SPTLC2: variants seen among roughly 807,000 people sequenced by gnomAD.
SPTLC2 encodes the protein serine palmitoyltransferase 2.
SPTLC2 carries 21 observed loss-of-function variants against 62.0 expected under a neutral mutation model. The ratio of observed to expected loss-of-function variants is 0.34; its 90% CI spans 0.24 to 0.49. The LOEUF is 0.49. Among genes scored for constraint, SPTLC2 ranks in the 20% least tolerant of loss-of-function variants. The pLI is 0.99. For synonymous variants in SPTLC2, 261 were observed against 261.8 expected (o/e 1.00, Z 0.03); for missense variants, 511 against 713.0 (o/e 0.72, Z 3.23).
intron 8 of SPTLC2, among the ~76,000 whole-genome samples, 160 bp from the exon 9 acceptor site, chr14:77,552,382 C>G (rs1476838033): frequency 2.0e-5 from 3 of 152,166 alleles, no homozygotes; most frequent in African/African-American, 7.2e-5. Context: ...CGAAGCATAC[C>G]GCTGGCAACA....
At chr14:77,512,850 G>A (rs1387786170) in intron 11 of SPTLC2, among the ~76,000 whole-genome samples, 1 of 151,880 alleles carries the variant, frequency 6.6e-6, no homozygotes, top group African/African-American at 2.4e-5. Flanking sequence ...CAAGTAGCTG[G>A]GATTACAGGT....
chr14:77,539,846 T>C (rs1413474546), intron 9 of SPTLC2, among the ~76,000 whole-genome samples: 1 of 151,068 alleles, frequency 6.6e-6, no homozygotes, highest in Admixed American at 6.6e-5. Flanking sequence ...CGTGGTTAAG[T>C]AGTCAAAAAC....
intron 1 of SPTLC2, among the ~76,000 whole-genome samples, chr14:77,609,157 G>T (rs75542196): frequency 0.034 from 5,213 of 152,076 alleles, 122 homozygotes; most frequent in South Asian, 0.079. Context: ...GATCTGACAT[G>T]TTTAAGTAGT....
intron 5 of SPTLC2, among the ~76,000 whole-genome samples, chr14:77,565,620 A>AC (rs1176970019): frequency 6.6e-5 from 10 of 152,310 alleles, no homozygotes; most frequent in African/African-American, 2.2e-4. Context: ...AAAATAAGGG[A>AC]CCAGTACCCT....
chr14:77,578,764 C>A lies in SPTLC2; in HGVS notation c.482+191G>T. 1.3e-5 allele frequency: 7 copies of A among 559,468 alleles called. No homozygotes were observed. In the South Asian group the frequency reaches 1.5e-4, roughly 12 times the overall value. 34.7% of individuals were successfully genotyped at this position (559,468 alleles called of 1,614,324 possible). ...TTTTCTTCTGAACTATAATCCAACA[C>A]AGTATCAAATGTAATAGAAAGATAT... On this transcript the variant is annotated intron_variant, in intron 3 of 11. Transcript: ENST00000216484.
intron 9 of SPTLC2, among the ~76,000 whole-genome samples, chr14:77,529,620 C>CTTTTTTTTTTTTTTTTTTTTTT (rs71452856): frequency 5.3e-5 from 4 of 76,058 alleles, no homozygotes; most frequent in Non-Finnish European, 8.1e-5. Context: ...TTCTTTCTTT[C>CTTTTTTTTTTTTTTTTTTTTTT]TTTTTTTTTT....
intron 5 of SPTLC2, among the ~76,000 whole-genome samples, chr14:77,566,894 A>G (rs1489691663): frequency 6.6e-6 from 1 of 152,240 alleles, no homozygotes; most frequent in Non-Finnish European, 1.5e-5. Flanking sequence ...TCAAAGGATC[A>G]TTAAAACTGG....
intron 1 of SPTLC2, among the ~76,000 whole-genome samples, chr14:77,615,160 T>C (rs2079959649): frequency 6.6e-6 from 1 of 152,188 alleles, no homozygotes; most frequent in South Asian, 2.1e-4. Context: ...AGCTGACTGT[T>C]ATCACTTCCT....
In SPTLC2 at chr14:77,591,619, G is replaced by C. The variant is rs149197540; in HGVS notation, c.327+5567C>G. Among the ~76,000 whole-genome samples, 458 of 152,198 alleles carry C rather than the reference G, an allele frequency of 3.0e-3. 4 individuals carry two copies. The highest frequency in any genetic ancestry group is 0.01 in the African/African-American group (434 of 41,500). ...TCCATTGTCCAGGGTGGAGTGCAGTGGTGCAATCTTAGCTCACTGCAACTT... is the reference window on the plus strand; with the variant it reads ...TCCATTGTCCAGGGTGGAGTGCAGTCGTGCAATCTTAGCTCACTGCAACTT... On this transcript the variant is annotated intron_variant, in intron 2 of 11. Transcript: ENST00000216484.
chr14:77,616,409 A>C, intron 1 of SPTLC2, 39 bp downstream of exon 1: 1 of 1,319,556 alleles, frequency 7.6e-7, no homozygotes, highest in Non-Finnish European at 9.7e-7. Context: ...CCGCCAGTCC[A>C]CACCGCCACC....
At position 77,513,120 on chromosome 14, in the gene SPTLC2, G is replaced by A. The variant is rs142023039; in HGVS notation, c.1570-717C>T. Among the ~76,000 whole-genome samples, 672 of 135,446 alleles carry A rather than the reference G, an allele frequency of 5.0e-3. 6 individuals are homozygous for A. The highest frequency in any genetic ancestry group is 0.017 in the African/African-American group (642 of 37,782). 88.9% of individuals were successfully genotyped at this position (135,446 alleles called of 152,430 possible). On this transcript the variant is annotated intron_variant, in intron 11 of 11. Coordinates refer to ENST00000216484, the MANE Select transcript of SPTLC2 (RefSeq NM_004863.4). ...GGCTCACTGCAGCCTCTGCCTCCTG[G>A]GTTCAAGAGATTCTCTGCCTCAGCC...
intron 5 of SPTLC2, among the ~76,000 whole-genome samples, chr14:77,565,039 A>C (rs1247771022): frequency 6.6e-6 from 1 of 152,034 alleles, no homozygotes; most frequent in African/African-American, 2.4e-5. Flanking sequence ...CAGGAGTTTG[A>C]GACCAGCCTG....
intron 2 of SPTLC2, among the ~76,000 whole-genome samples, chr14:77,595,507 T>G (rs974640667): frequency 6.6e-6 from 1 of 152,230 alleles, no homozygotes. Flanking sequence ...TGAAATTAAC[T>G]TGCAGGGCAA....
At chr14:77,604,383 A>G (rs1476255001) in intron 1 of SPTLC2, among the ~76,000 whole-genome samples, 1 of 152,086 alleles carries the variant, frequency 6.6e-6, no homozygotes, top group Non-Finnish European at 1.5e-5. Flanking sequence ...ATTTTTGTAT[A>G]CCTATCATCC....
chr14:77,548,613 A>T (rs74063289), intron 9 of SPTLC2, among the ~76,000 whole-genome samples: 6,449 of 152,132 alleles, frequency 0.042, 320 homozygotes, highest in African/African-American at 0.12. Context: ...CAGTATTCCC[A>T]CTCCAGGTAC....
intron 1 of SPTLC2, among the ~76,000 whole-genome samples, chr14:77,604,741 C>T (rs1316274347): frequency 1.3e-5 from 2 of 151,738 alleles, no homozygotes; most frequent in African/African-American, 4.8e-5. Context: ...GTGGTGCATG[C>T]CTGTAATCCC....
chr14:77,518,140 C>G lies in SPTLC2; in HGVS notation c.1467G>C (p.Arg489=), dbSNP rs1433229578. 6.2e-7 allele frequency: 1 copy of G among 1,614,106 alleles called. No homozygotes were observed. Among genetic ancestry groups the G allele is most frequent in the Non-Finnish European group, 8.5e-7 (1 of 1,180,034 alleles). The change falls in exon 11 of 12, where the codon CGG becomes CGC. Residue 489 remains arginine, a synonymous_variant. Transcript: ENST00000216484. ...ATCCAACCACAACGACACCGATGTT[C>G]CGCTTCAGCATCTCCCGTCCAAAGG... ...IGAFGREMLK[R]NIGVVVVGFP... is the part of the protein sequence containing the mutation.
At chr14:77,585,613 G>A (rs1418062550) in intron 2 of SPTLC2, among the ~76,000 whole-genome samples, 3 of 152,100 alleles carry the variant, frequency 2.0e-5, no homozygotes, top group African/African-American at 7.2e-5. Context: ...AGGTCAGGAT[G>A]ATTTAAAGTT....
chr14:77,553,467 C>T (rs896386002), intron 8 of SPTLC2, among the ~76,000 whole-genome samples: 5 of 152,080 alleles, frequency 3.3e-5, no homozygotes, highest in African/African-American at 7.3e-5. Context: ...TGCAGTGGCT[C>T]ACACCTGTAA....
Sources: allele counts gnomAD v4.1 joint callset (sites outside exome capture counted in the v4.1 genomes callset), GRCh38; gene constraint gnomAD v4.1.1; transcripts MANE v1.5; gene names NCBI Gene and HGNC (gene_info 2026-07-23, HGNC 2026-07-21).